Variants in ABCG5 observed in about 807,000 individuals in gnomAD.
ABCG5 encodes the protein ATP-binding cassette sub-family G member 5.
Under a neutral mutation model 64.5 loss-of-function variants are expected in ABCG5, and 64 were observed. The observed-to-expected ratio is 0.99, with a 90% CI of 0.81 to 1.22. The LOEUF (loss-of-function observed/expected upper bound fraction) is 1.22, where lower values mean the gene tolerates loss of function less well. Ranked by LOEUF, ABCG5 falls within the 50% of genes most tolerant of loss-of-function variation. ABCG5 has a pLI of 0.00. For synonymous variants in ABCG5, 385 were observed against 326.3 expected (o/e 1.18, Z -1.94); for missense variants, 908 against 829.5 (o/e 1.09, Z -1.16).
chr2:43,822,306 A>C (rs1002739550), intron 10 of ABCG5, among the ~76,000 whole-genome samples: 1 of 151,868 alleles, frequency 6.6e-6, no homozygotes, highest in Non-Finnish European at 1.5e-5. Context: ...TGTTTATGAC[A>C]CTTCCTTGAA....
Position 43,838,393 on chromosome 2 carries a change from C to T in ABCG5, c.143+144G>A, listed in dbSNP as rs544115486. The T allele has an allele frequency of 2.4e-5, 19 of 776,292 alleles. No individual in the cohort carries two copies. In the East Asian group the frequency reaches 4.9e-4, roughly 20 times the overall value. The allele number at this position is 776,292 out of a possible 1,614,324, so 48.1% of individuals were successfully genotyped here. On this transcript the variant is annotated intron_variant, in intron 1 of 12. Transcript: ENST00000405322. This position sits in a 1 kb window ranked among gnomAD's most constrained non-coding sequence, Gnocchi z 4.2. ...CCATGTTTCCCAGCACAGCCCTTCT[C>T]CCTCTCCTCTCTCCACCCGATCCAC...
chr2:43,815,852 T>C (rs896915658), intron 11 of ABCG5, among the ~76,000 whole-genome samples: 1 of 142,996 alleles, frequency 7.0e-6, no homozygotes, highest in Non-Finnish European at 1.5e-5. Context: ...TCTGAGAAAA[T>C]TAACGTGACT....
At chr2:43,830,203 C>T (rs556300820) in intron 4 of ABCG5, among the ~76,000 whole-genome samples, 1 of 152,344 alleles carries the variant, frequency 6.6e-6, no homozygotes, top group Non-Finnish European at 1.5e-5. Flanking sequence ...CAGGAATGCT[C>T]TCCCACATTT....
intron 10 of ABCG5, 27 bp downstream of exon 10, chr2:43,822,770 C>T: frequency 6.2e-7 from 1 of 1,613,952 alleles, no homozygotes; most frequent in East Asian, 2.2e-5. Flanking sequence ...GGGAGCCCGG[C>T]CCTGGGTGAA....
chr2:43,816,233 T>C (rs1159802208), intron 11 of ABCG5, among the ~76,000 whole-genome samples: 1 of 152,228 alleles, frequency 6.6e-6, no homozygotes, highest in Non-Finnish European at 1.5e-5. Context: ...GTCCAAGGCC[T>C]AATTGGGCTG....
At chr2:43,815,790 TG>T (rs376864048) in intron 11 of ABCG5, among the ~76,000 whole-genome samples, 268 of 151,572 alleles carry the variant, frequency 1.8e-3, no homozygotes, top group African/African-American at 6.2e-3. Context: ...GGCCTTGCTG[TG>T]AGTTGAGGTT....
At chr2:43,826,125 A>G (rs1667584340) in intron 6 of ABCG5, among the ~76,000 whole-genome samples, 1 of 149,898 alleles carries the variant, frequency 6.7e-6, no homozygotes, top group African/African-American at 2.4e-5. Context: ...ACAGATATGC[A>G]CCACCATGCC....
chr2:43,814,700 C>A (rs1286823155), intron 11 of ABCG5, 111 bp from the exon 12 acceptor site: 2 of 646,136 alleles, frequency 3.1e-6, no homozygotes, highest in Non-Finnish European at 5.4e-6. Flanking sequence ...TTTTCTATCT[C>A]CTTATTATAA....
At chr2:43,821,373 A>G (rs1022774269) in intron 10 of ABCG5, among the ~76,000 whole-genome samples, 3 of 152,136 alleles carry the variant, frequency 2.0e-5, no homozygotes, top group Non-Finnish European at 2.9e-5. Context: ...TAATTAGCGA[A>G]TCTCAATTCC....
intron 6 of ABCG5, among the ~76,000 whole-genome samples, chr2:43,825,757 C>T (rs1258850130): frequency 2.6e-5 from 4 of 152,110 alleles, no homozygotes; most frequent in African/African-American, 9.7e-5. Context: ...CAGGCGCACA[C>T]CACCACGCCC....
At chr2:43,815,192 T>A (rs1289611297) in intron 11 of ABCG5, among the ~76,000 whole-genome samples, 1 of 152,206 alleles carries the variant, frequency 6.6e-6, no homozygotes, top group Non-Finnish European at 1.5e-5. Context: ...ACATTCATTG[T>A]GAAAATGAAA....
At chr2:43,823,065 TAGA>T in intron 9 of ABCG5, 130 bp from the exon 10 acceptor site, 1 of 1,248,358 alleles carries the variant, frequency 8.0e-7, no homozygotes. Flanking sequence ...TCCCTAGTCA[TAGA>T]AGGAGGGGAC....
At chr2:43,818,064 G>C (rs1666957472) in intron 11 of ABCG5, among the ~76,000 whole-genome samples, 1 of 152,146 alleles carries the variant, frequency 6.6e-6, no homozygotes, top group African/African-American at 2.4e-5. Flanking sequence ...ATAATAAATT[G>C]TTGAATATTT....
chr2:43,821,171 T>C (rs1163641738), intron 10 of ABCG5, among the ~76,000 whole-genome samples: 1 of 152,214 alleles, frequency 6.6e-6, no homozygotes, highest in African/African-American at 2.4e-5. Context: ...ACTTTTCCTC[T>C]GTACAAATCA....
intron 2 of ABCG5, among the ~76,000 whole-genome samples, chr2:43,833,600 G>A (rs1229496580): frequency 2.6e-5 from 4 of 151,884 alleles, no homozygotes; most frequent in Non-Finnish European, 5.9e-5. Context: ...TAGCCAGGAT[G>A]GTCACAATCT....
chr2:43,820,391 C>G (rs4148189), intron 10 of ABCG5, among the ~76,000 whole-genome samples: 1 of 152,002 alleles, frequency 6.6e-6, no homozygotes, highest in African/African-American at 2.4e-5. Context: ...CACAACTAAC[C>G]GCAGTAAGCA....
At chr2:43,826,542 G>T in intron 5 of ABCG5, 21 bp from the exon 6 acceptor site, 1 of 1,614,156 alleles carries the variant, frequency 6.2e-7, no homozygotes, top group Non-Finnish European at 8.5e-7. Context: ...AGAAGGGCCA[G>T]ACTTCTAAGG....
chr2:43,823,875 G>A, intron 9 of ABCG5, 38 bp downstream of exon 9: 1 of 1,604,972 alleles, frequency 6.2e-7, no homozygotes, highest in Non-Finnish European at 8.5e-7. Flanking sequence ...GAGGTATTTA[G>A]GGAGAAAGAG....
In ABCG5 at chr2:43,831,876, G is replaced by C. The variant is rs565854182; in HGVS notation, c.403-9C>G. 2 of 1,552,852 alleles carry C rather than the reference G, an allele frequency of 1.3e-6. No individual in the cohort carries two copies. Among genetic ancestry groups the C allele is most frequent in the East Asian group, 2.4e-5 (1 of 42,118 alleles). On this transcript the variant is annotated splice_polypyrimidine_tract_variant and intron_variant, in intron 3 of 12. Coordinates refer to ENST00000405322, the MANE Select transcript of ABCG5 (RefSeq NM_022436.3). ...CTCAGCAGGGTGTCGCTCTGCAGGAGACTCGGGCGTCAGTGTAGCCTAAGC... is the reference window on the plus strand; with the variant it reads ...CTCAGCAGGGTGTCGCTCTGCAGGACACTCGGGCGTCAGTGTAGCCTAAGC...
Sources: allele counts gnomAD v4.1 joint callset (sites outside exome capture counted in the v4.1 genomes callset), GRCh38; gene constraint gnomAD v4.1.1; non-coding constraint Gnocchi (gnomAD v3.1); transcripts MANE v1.5; gene names NCBI Gene and HGNC (gene_info 2026-07-23, HGNC 2026-07-21).